Variants in PKIB observed in about 807,000 individuals in gnomAD.
The protein encoded by PKIB is cAMP-dependent protein kinase inhibitor beta, also known as PKI-beta.
A neutral mutation model predicts 4.5 loss-of-function variants in PKIB; 2 were observed. The observed-to-expected ratio is 0.44, with a 90% CI of 0.18 to 1.39. The LOEUF is 1.39. PKIB is among the 40% of genes most tolerant of loss of function. The pLI, the probability that PKIB is intolerant of heterozygous loss-of-function variation, is 0.27. For missense variants in PKIB, 94 were observed against 92.6 expected, an observed-to-expected ratio of 1.02 and a Z score of -0.06; for synonymous variants, 38 against 36.0, an observed-to-expected ratio of 1.06 and a Z score of -0.20.
chr6:122,550,171 T>C (rs1772631578), intron 2 of PKIB, among the ~76,000 whole-genome samples: 1 of 152,068 alleles, frequency 6.6e-6, no homozygotes, highest in African/African-American at 2.4e-5. Context: ...TGCCTCAGTC[T>C]CCCAGAGTGC....
chr6:122,518,239 TACAA>T (rs796923566), intron 2 of PKIB, among the ~76,000 whole-genome samples: 60 of 152,314 alleles, frequency 3.9e-4, no homozygotes, highest in African/African-American at 1.3e-3. Context: ...TTCTTGGTTG[TACAA>T]ATGCAGGCAG....
intron 2 of PKIB, among the ~76,000 whole-genome samples, chr6:122,642,553 C>T (rs1041681338): frequency 3.3e-5 from 5 of 152,172 alleles, no homozygotes; most frequent in African/African-American, 1.2e-4. Flanking sequence ...CCAGGTAAAG[C>T]TATTTGCTCC....
chr6:122,524,827 C>T (rs1777051635), intron 2 of PKIB, among the ~76,000 whole-genome samples: 1 of 151,612 alleles, frequency 6.6e-6, no homozygotes, highest in African/African-American at 2.4e-5. Context: ...AATATCCCCT[C>T]TTTGTTTCTG....
chr6:122,537,658 T>G (rs1378507493), intron 2 of PKIB, among the ~76,000 whole-genome samples: 3 of 152,178 alleles, frequency 2.0e-5, no homozygotes, highest in Non-Finnish European at 4.4e-5. Context: ...TGTGTCTTTA[T>G]AGCAGCATGA....
chr6:122,529,922 A>C (rs1297129343), intron 2 of PKIB, among the ~76,000 whole-genome samples: 1 of 151,636 alleles, frequency 6.6e-6, no homozygotes, highest in Non-Finnish European at 1.5e-5. Context: ...TTCTCTTGGG[A>C]TTTACATTGG....
chr6:122,611,673 A>G (rs1429104742), intron 1 of PKIB, among the ~76,000 whole-genome samples: 2 of 152,166 alleles, frequency 1.3e-5, no homozygotes, highest in Admixed American at 1.3e-4. Context: ...CTTCCTTCTT[A>G]CTGACATTGC....
At chr6:122,612,685 A>G (rs963252845) in intron 1 of PKIB, among the ~76,000 whole-genome samples, 2 of 152,216 alleles carry the variant, frequency 1.3e-5, no homozygotes, top group Admixed American at 6.5e-5. Flanking sequence ...CATTTTGTCA[A>G]TTTACTAGTG....
At chr6:122,652,287 T>A (rs13193040) in intron 2 of PKIB, among the ~76,000 whole-genome samples, 40,667 of 113,880 alleles carry the variant, frequency 0.36, 6,305 homozygotes, top group Non-Finnish European at 0.4. Context: ...TGCATATATG[T>A]TGGTTTGTGT....
chr6:122,613,756 G>GATCACA lies in PKIB; in HGVS notation c.-161+3222_-161+3223insTCACAA, dbSNP rs571672480. Among the ~76,000 whole-genome samples, 37 of 152,078 alleles carry GATCACA rather than the reference G, an allele frequency of 2.4e-4. No individual in the cohort carries two copies. The South Asian group carries it at 7.7e-3, about 32-fold the overall frequency. Reference sequence around the variant, plus strand: ...TGAGGTGGGCGGATCACAAGGTCAAGAGGTAGAGACCATCCTAGCCAACAT... The same window carrying GATCACA: ...TGAGGTGGGCGGATCACAAGGTCAAGATCACAAGGTAGAGACCATCCTAGCCAACAT... On this transcript the variant is annotated intron_variant, in intron 1 of 4. Transcript: ENST00000368452.
intron 1 of PKIB, among the ~76,000 whole-genome samples, chr6:122,475,241 G>T (rs1456056294): frequency 6.6e-6 from 1 of 152,136 alleles, no homozygotes. Context: ...AAAACGCCTG[G>T]CCCATTGAAT....
intron 2 of PKIB, among the ~76,000 whole-genome samples, chr6:122,514,393 A>T (rs1421084887): frequency 6.6e-6 from 1 of 152,204 alleles, no homozygotes; most frequent in Non-Finnish European, 1.5e-5. Flanking sequence ...CTATGGTGGT[A>T]CATGCTTGAA....
chr6:122,540,710 A>G (rs1777569301), intron 2 of PKIB, among the ~76,000 whole-genome samples: 1 of 152,004 alleles, frequency 6.6e-6, no homozygotes, highest in Non-Finnish European at 1.5e-5. Flanking sequence ...CTTGGTGCAG[A>G]GCTGAGTTCA....
chr6:122,540,678 C>T (rs966267230), intron 2 of PKIB, among the ~76,000 whole-genome samples: 3 of 152,014 alleles, frequency 2.0e-5, no homozygotes, highest in African/African-American at 7.3e-5. Context: ...GTGGAGAGCT[C>T]TGTAGATGTC....
chr6:122,562,004 G>GTTTTTTTTTTGTTTTTTTTTT, intron 2 of PKIB, among the ~76,000 whole-genome samples: 1 of 79,480 alleles, frequency 1.3e-5, no homozygotes, highest in Non-Finnish European at 2.3e-5. Flanking sequence ...GTTTTTTTTT[G>GTTTTTTTTTTGTTTTTTTTTT]TTTTTTTTTT....
chr6:122,719,122 G>A (rs1168674328), intron 4 of PKIB, among the ~76,000 whole-genome samples: 2 of 152,114 alleles, frequency 1.3e-5, no homozygotes, highest in East Asian at 1.9e-4. Context: ...AACTAGTGAG[G>A]TAGAGAAGGC....
intron 3 of PKIB, among the ~76,000 whole-genome samples, chr6:122,602,157 T>C (rs1026423404): frequency 2.6e-5 from 4 of 152,178 alleles, no homozygotes; most frequent in African/African-American, 9.6e-5. Flanking sequence ...TGGAAATTAT[T>C]CTCAGACATT....
At chr6:122,623,577 T>TG (rs1052645652) in intron 1 of PKIB, among the ~76,000 whole-genome samples, 5 of 152,210 alleles carry the variant, frequency 3.3e-5, no homozygotes, top group African/African-American at 1.2e-4. Flanking sequence ...TGAGGAGGCA[T>TG]GGCTCTGTTC....
chr6:122,708,622 G>A (rs1779151565), intron 3 of PKIB, among the ~76,000 whole-genome samples: 1 of 152,004 alleles, frequency 6.6e-6, no homozygotes, highest in African/African-American at 2.4e-5. Flanking sequence ...CAACTTTCTG[G>A]AAATGTCTCA....
intron 3 of PKIB, among the ~76,000 whole-genome samples, chr6:122,595,085 G>A (rs1318582221): frequency 2.0e-5 from 3 of 152,162 alleles, no homozygotes; most frequent in Non-Finnish European, 4.4e-5. Context: ...ATGTAATGTT[G>A]CGGGAACAGG....
Sources: allele counts gnomAD v4.1 joint callset (sites outside exome capture counted in the v4.1 genomes callset), GRCh38; gene constraint gnomAD v4.1.1; transcripts MANE v1.5; gene names NCBI Gene and HGNC (gene_info 2026-07-23, HGNC 2026-07-21).